The following SCAF4 variants were observed in gnomAD, a reference collection of about 807,000 sequenced individuals.
The protein encoded by SCAF4 is SR-related CTD associated factor 4.
A neutral mutation model predicts 129.8 loss-of-function variants in SCAF4; 25 were observed. The observed-to-expected ratio is 0.19, with a 90% CI of 0.14 to 0.27. The LOEUF is 0.27. Ranked by LOEUF, SCAF4 falls within the 10% of genes least tolerant of loss-of-function variation. The probability of loss-of-function intolerance (pLI) is 1.00; values close to 1 mark genes in which losing one functional copy is unlikely to be tolerated. For synonymous variants in SCAF4, 551 were observed against 497.7 expected, an observed-to-expected ratio of 1.11 and a Z score of -1.43; for missense variants, 1,246 against 1,457.1, an observed-to-expected ratio of 0.86 and a Z score of 2.36.
Position 31,671,965 on chromosome 21 carries a change from G to A in SCAF4, c.2878C>T (p.Gln960Ter). The A allele has an allele frequency of 6.2e-7, 1 of 1,606,862 alleles. No individual in the cohort carries two copies. Residue 960 changes from glutamine to a stop codon, truncating the protein, a stop_gained, in exon 20 of 20, where the codon CAG (glutamine) becomes TAG (stop). Coordinates refer to ENST00000286835, the MANE Select transcript of SCAF4 (RefSeq NM_020706.2). LOFTEE classifies it high-confidence loss of function. The stretch of plus-strand genomic sequence containing the variant: ...GGTGGCTGCTGCTGCTGCTGCTGCT[G>A]TGGTTGCTGGGGCGCCTGCGGCTGT... ...QPQPQAPQQP[Q>*]QQQQQQPPPS...
At chr21:31,692,750 C>A (rs534691755) in intron 12 of SCAF4, among the ~76,000 whole-genome samples, 16 of 152,162 alleles carry the variant, frequency 1.1e-4, no homozygotes, top group Non-Finnish European at 2.2e-4. Context: ...CCCACCTCAC[C>A]CTGCCAATGA....
chr21:31,717,115 A>C (rs2050937697), intron 1 of SCAF4, among the ~76,000 whole-genome samples: 1 of 152,234 alleles, frequency 6.6e-6, no homozygotes, highest in Admixed American at 6.5e-5. Context: ...AGCATAAAGC[A>C]AAAAGAGTAC....
chr21:31,693,547 C>T (rs573849134), intron 11 of SCAF4, 63 bp from the exon 12 acceptor site: 1 of 1,102,722 alleles, frequency 9.1e-7, no homozygotes, highest in South Asian at 2.8e-5. Flanking sequence ...AATATAAGCA[C>T]ATACTAATTA....
chr21:31,702,600 C>A (rs932663123), intron 4 of SCAF4, among the ~76,000 whole-genome samples: 6 of 152,036 alleles, frequency 3.9e-5, no homozygotes, highest in Admixed American at 2.6e-4. Context: ...GGACTATAGA[C>A]CCAGACAATA....
At position 31,671,787 on chromosome 21, in the gene SCAF4, C is replaced by T. The variant is rs757013807; in HGVS notation, c.3056G>A (p.Arg1019His). 6 of 1,613,952 alleles carry T rather than the reference C, an allele frequency of 3.7e-6. No individual in the cohort carries two copies. Among genetic ancestry groups the T allele is most frequent in the East Asian group, 2.2e-5 (1 of 44,892 alleles). Residue 1019 changes from arginine (R) to histidine (H), a missense_variant, in exon 20 of 20, where the codon CGT (arginine) becomes CAT (histidine). Physicochemically the swap from Arg to His is conservative, Grantham distance 29 (BLOSUM62 0). This residue lies in a region of SCAF4 where 339 missense variants were observed against 325.0 expected (regional missense o/e 1.04). Coordinates refer to ENST00000286835, the MANE Select transcript of SCAF4 (RefSeq NM_020706.2). ...GTTACTATTATCTCTATCATCATTA[C>T]GGTTCCCATACCGTTCCCGGTCATT... is the stretch of plus-strand genomic sequence containing the variant. Reference protein sequence around the residue: ...VENDRERYGNRNDDRDNSNRD... With the variant: ...VENDRERYGNHNDDRDNSNRD...
At chr21:31,680,484 A>G (rs2049970754) in intron 19 of SCAF4, among the ~76,000 whole-genome samples, 1 of 152,224 alleles carries the variant, frequency 6.6e-6, no homozygotes, top group African/African-American at 2.4e-5. Flanking sequence ...TACCAATTCA[A>G]ATATTTTAAA....
chr21:31,685,293 G>A (rs71314148), intron 18 of SCAF4, 53 bp from the exon 19 acceptor site: 20,657 of 1,503,168 alleles, frequency 0.014, 175 homozygotes, highest in Non-Finnish European at 0.015. Context: ...ATTATCTCCC[G>A]GTCAACATTC....
At chr21:31,720,312 G>A (rs561610095) in intron 1 of SCAF4, among the ~76,000 whole-genome samples, 6 of 152,170 alleles carry the variant, frequency 3.9e-5, no homozygotes, top group African/African-American at 1.4e-4. Context: ...CTGGTAAAAA[G>A]AATAGACATC....
At chr21:31,722,991 T>C (rs2051107978) in intron 1 of SCAF4, among the ~76,000 whole-genome samples, 1 of 151,838 alleles carries the variant, frequency 6.6e-6, no homozygotes, top group African/African-American at 2.4e-5. Context: ...AAAAAATACA[T>C]GGATAGTATT....
At chr21:31,726,297 G>A (rs1005257730) in intron 1 of SCAF4, among the ~76,000 whole-genome samples, 41 of 152,120 alleles carry the variant, frequency 2.7e-4, no homozygotes, top group African/African-American at 9.6e-4. Flanking sequence ...TGCCCGCCTC[G>A]GCCTCCCAAA....
chr21:31,706,514 G>A (rs1224534179), intron 1 of SCAF4, 157 bp from the exon 2 acceptor site: 5 of 604,742 alleles, frequency 8.3e-6, no homozygotes, highest in African/African-American at 1.9e-5. Flanking sequence ...GAGCTTTGGT[G>A]GCCAGGCACC....
rs199740634 is a variant in SCAF4 at position 31,671,418 on chromosome 21, G to A, written c.3425C>T (p.Ala1142Val). 166 of 1,613,734 alleles carry A rather than the reference G, an allele frequency of 1.0e-4. 1 individual carries two copies. The East Asian group carries it at 3.6e-3, about 35-fold the overall frequency. The part of the protein sequence containing the change: ...SVEPEKDSGS[A>V]AEAPR ...CAGTCTCTAACGAGGAGCCTCTGCT[G>A]CTGAGCCAGAATCCTTTTCGGGTTC... The change falls in exon 20 of 20, where the codon GCA (alanine) becomes GTA (valine). Residue 1142 changes from alanine (A) to valine (V), a missense_variant. Ala to Val is a moderately conservative substitution (Grantham distance 64). Around this residue, in one of 6 missense-constraint regions of SCAF4, gnomAD observed 339 missense variants for 325.0 expected, o/e 1.04. Coordinates refer to ENST00000286835, the MANE Select transcript of SCAF4 (RefSeq NM_020706.2).
At chr21:31,684,224 T>A (rs2050061542) in intron 19 of SCAF4, 1 of 153,324 alleles carries the variant, frequency 6.5e-6, no homozygotes, top group Non-Finnish European at 1.5e-5. Context: ...CTCACAGGAC[T>A]AGAACACTGT....
chr21:31,726,499 C>T (rs910997495), intron 1 of SCAF4, among the ~76,000 whole-genome samples: 3 of 151,764 alleles, frequency 2.0e-5, no homozygotes, highest in Admixed American at 6.6e-5. Context: ...CCGTGTCTAC[C>T]GAAAAAAATT....
intron 19 of SCAF4, among the ~76,000 whole-genome samples, chr21:31,680,675 C>CT (rs1045153673): frequency 1.3e-5 from 2 of 152,182 alleles, no homozygotes; most frequent in Non-Finnish European, 2.9e-5. Flanking sequence ...TTTGAAAACT[C>CT]TACTTTCTAG....
At position 31,672,150 on chromosome 21, in the gene SCAF4, G is replaced by C; in HGVS notation, c.2693C>G (p.Ala898Gly). ...TTTCATTCCATGAGGTGGAGGCATC[G>C]CAAAGCCCCCTGGTCCTGGCGGTGG... ...RGPPPGPGGF[A>G]MPPPHGMKGP... The change falls in exon 20 of 20, where the codon GCG becomes GGG. Residue 898 changes from alanine (A) to glycine (G), a missense_variant. Transcript: ENST00000286835. 1 of 1,605,300 alleles carries C rather than the reference G, an allele frequency of 6.2e-7. No homozygotes were observed. Among genetic ancestry groups the C allele is most frequent in the Non-Finnish European group, 8.5e-7 (1 of 1,173,842 alleles).
chr21:31,683,721 A>G (rs1406734921), intron 19 of SCAF4, among the ~76,000 whole-genome samples: 3 of 151,676 alleles, frequency 2.0e-5, no homozygotes, highest in African/African-American at 7.3e-5. Flanking sequence ...AAAAAAAAAA[A>G]GCATAACAAA....
chr21:31,672,258 G>A lies in SCAF4; in HGVS notation c.2585C>T (p.Pro862Leu), dbSNP rs1337618864. 1 of 1,613,324 alleles carries A rather than the reference G, an allele frequency of 6.2e-7. No homozygotes were observed. Among genetic ancestry groups the A allele is most frequent in the Admixed American group, 1.7e-5 (1 of 59,844 alleles). ...TAAGTGAGGTGGGGGCATTCCTGGA[G>A]GGCGCTGGAGTGGGATGAGACCGGG... is the stretch of plus-strand genomic sequence containing the variant. ...ARPGLIPLQR[P>L]PGMPPPHLQR... Residue 862 changes from proline to leucine, a missense_variant, in exon 20 of 20, where the codon CCT (proline) becomes CTT (leucine). Around this residue, in one of 6 missense-constraint regions of SCAF4, gnomAD observed 468 missense variants for 605.5 expected, o/e 0.77. Coordinates refer to ENST00000286835, the MANE Select transcript of SCAF4 (RefSeq NM_020706.2).
chr21:31,690,589 C>T (rs986218199), intron 15 of SCAF4, among the ~76,000 whole-genome samples: 1 of 152,204 alleles, frequency 6.6e-6, no homozygotes, highest in African/African-American at 2.4e-5. Flanking sequence ...TCATAGATCC[C>T]ATAATCAGTT....
Sources: allele counts gnomAD v4.1 joint callset (sites outside exome capture counted in the v4.1 genomes callset), GRCh38; gene constraint gnomAD v4.1.1; regional missense constraint gnomAD v4.1.1; transcripts MANE v1.5; gene names NCBI Gene and HGNC (gene_info 2026-07-23, HGNC 2026-07-21).